TNNI3K: variants seen among roughly 807,000 people sequenced by gnomAD.
The protein encoded by TNNI3K is TNNI3 interacting kinase.
In TNNI3K, 140 loss-of-function variants were observed where a neutral mutation model predicts 114.5. That is an observed-to-expected ratio of 1.22 (90% CI 1.07 to 1.41). TNNI3K has a LOEUF of 1.41. Among genes scored for constraint, TNNI3K ranks in the 40% most tolerant of loss-of-function variants. The pLI is 0.00. For synonymous variants in TNNI3K, 347 were observed against 347.5 expected (o/e 1.00, Z 0.02); for missense variants, 1,125 against 1,007.6 (o/e 1.12, Z -1.58).
intron 23 of TNNI3K, among the ~76,000 whole-genome samples, chr1:74,531,565 T>A (rs1646584068): frequency 6.6e-6 from 1 of 152,208 alleles, no homozygotes; most frequent in African/African-American, 2.4e-5. Flanking sequence ...TGTTTTCAGC[T>A]AAATGCCAAA....
At chr1:74,329,349 T>C (rs1660078899) in intron 5 of TNNI3K, among the ~76,000 whole-genome samples, 1 of 152,100 alleles carries the variant, frequency 6.6e-6, no homozygotes, top group Admixed American at 6.5e-5. Context: ...GTTTTAATTT[T>C]TGTATTATAA....
At chr1:74,236,070 A>C in intron 1 of TNNI3K, 32 bp from the exon 2 acceptor site, 1 of 1,582,444 alleles carries the variant, frequency 6.3e-7, no homozygotes, top group Admixed American at 1.8e-5. Context: ...AAACACAACT[A>C]TGAATCAATC....
chr1:74,537,593 T>A (rs6670079), intron 23 of TNNI3K, among the ~76,000 whole-genome samples: 4,921 of 152,292 alleles, frequency 0.032, 262 homozygotes, highest in African/African-American at 0.11. Flanking sequence ...CATACTTTTA[T>A]TTTAAGTATT....
chr1:74,258,715 A>G (rs1655482203), intron 4 of TNNI3K, among the ~76,000 whole-genome samples: 1 of 152,134 alleles, frequency 6.6e-6, no homozygotes, highest in African/African-American at 2.4e-5. Flanking sequence ...GAGACTCAAG[A>G]TCCCTTAATT....
chr1:74,442,906 A>G (rs978630503), intron 20 of TNNI3K, among the ~76,000 whole-genome samples: 2 of 151,224 alleles, frequency 1.3e-5, no homozygotes, highest in Non-Finnish European at 2.9e-5. Context: ...CTGCTTCTGA[A>G]TGAATCCTGA....
At chr1:74,528,892 C>A (rs1328635213) in intron 23 of TNNI3K, among the ~76,000 whole-genome samples, 1 of 152,028 alleles carries the variant, frequency 6.6e-6, no homozygotes, top group Non-Finnish European at 1.5e-5. Context: ...AAGGCTGACA[C>A]AAGGAAGGTA....
chr1:74,375,219 C>T (rs1251029238), intron 17 of TNNI3K: 1 of 156,614 alleles, frequency 6.4e-6, no homozygotes, highest in African/African-American at 2.4e-5. Flanking sequence ...ACAATTAAAA[C>T]CACCTTTGCA....
intron 21 of TNNI3K, among the ~76,000 whole-genome samples, chr1:74,479,167 C>A (rs1430790598): frequency 1.3e-5 from 2 of 152,138 alleles, no homozygotes; most frequent in South Asian, 4.1e-4. Context: ...TCTCTCCCCA[C>A]CCCCTCATCA....
chr1:74,314,746 G>T lies in TNNI3K; in HGVS notation c.445-16704G>T, dbSNP rs1659211229. On this transcript the variant is annotated intron_variant, in intron 5 of 24. Transcript: ENST00000326637. ...ATGCTGATAGTGAAAAAATATATAT[G>T]TAATTGTCTTTGTTTCCTCTAATTT... Among the ~76,000 whole-genome samples the T allele has an allele frequency of 1.3e-5, 2 of 152,094 alleles. 1 individual carries two copies. Among genetic ancestry groups the T allele is most frequent in the South Asian group, 4.1e-4 (2 of 4,826 alleles).
chr1:74,276,620 G>A (rs899574487), intron 5 of TNNI3K, among the ~76,000 whole-genome samples: 3 of 151,980 alleles, frequency 2.0e-5, no homozygotes, highest in Non-Finnish European at 4.4e-5. Context: ...AAATAGCAAC[G>A]GATCAGTGGG....
intron 23 of TNNI3K, among the ~76,000 whole-genome samples, chr1:74,497,783 A>C (rs1436175371): frequency 6.6e-6 from 1 of 152,176 alleles, no homozygotes; most frequent in Non-Finnish European, 1.5e-5. Context: ...AATTCTAATT[A>C]TATTATTTGC....
At chr1:74,465,002 A>G (rs1023113024) in intron 21 of TNNI3K, 1 of 1,167,646 alleles carries the variant, frequency 8.6e-7, no homozygotes, top group Non-Finnish European at 1.1e-6. Context: ...TACATCACAT[A>G]AAATAGTTTA....
intron 5 of TNNI3K, among the ~76,000 whole-genome samples, chr1:74,297,846 T>C (rs1044396282): frequency 2.0e-5 from 3 of 152,284 alleles, no homozygotes; most frequent in African/African-American, 4.8e-5. Context: ...TTGTACTCTA[T>C]GGTTAAAACA....
intron 6 of TNNI3K, among the ~76,000 whole-genome samples, chr1:74,332,976 A>AAAAAAAAAAAAAAAGAG (rs57556485): frequency 5.5e-5 from 5 of 90,702 alleles, no homozygotes; most frequent in Admixed American, 1.4e-4. Flanking sequence ...AAAAAAAAAA[A>AAAAAAAAAAAAAAAGAG]AGAGAGAGAC....
chr1:74,537,849 C>T (rs776075908), intron 23 of TNNI3K, among the ~76,000 whole-genome samples: 1 of 152,110 alleles, frequency 6.6e-6, no homozygotes, highest in South Asian at 2.1e-4. Context: ...TGAGTTGGAC[C>T]TTTATTGAGT....
rs547027678 is a variant in TNNI3K at position 74,353,404 on chromosome 1, A to G, written c.1027+44A>G. ...CACCACTAGTTCTATATGCTTATCA[A>G]TGATTAAGAATAATGGTATGCAAAG... On this transcript the variant is annotated intron_variant, in intron 10 of 24. Transcript: ENST00000326637. 1.2e-5 allele frequency: 19 copies of G among 1,602,788 alleles called. No individual in the cohort carries two copies. In the East Asian group the frequency reaches 2.2e-4, roughly 19 times the overall value.
intron 17 of TNNI3K, among the ~76,000 whole-genome samples, chr1:74,386,167 G>A (rs533628419): frequency 6.6e-6 from 1 of 152,316 alleles, no homozygotes; most frequent in Non-Finnish European, 1.5e-5. Flanking sequence ...CTCCAGCCAT[G>A]TGGAACCGTG....
intron 21 of TNNI3K, among the ~76,000 whole-genome samples, chr1:74,467,482 G>T (rs540656913): frequency 7.9e-5 from 12 of 151,710 alleles, no homozygotes; most frequent in Admixed American, 2.0e-4. Context: ...GAGAAGGTTG[G>T]AAAACAGTAA....
chr1:74,399,543 C>G (rs74093532), intron 17 of TNNI3K, among the ~76,000 whole-genome samples: 5,325 of 151,906 alleles, frequency 0.035, 224 homozygotes, highest in African/African-American at 0.1. Context: ...CTCCTGATCA[C>G]TGAGACAGCC....
Sources: gnomAD v4.1 joint callset for allele counts (sites outside exome capture counted in the v4.1 genomes callset) on GRCh38, gnomAD v4.1.1 for gene constraint, MANE v1.5 for transcripts, NCBI Gene and HGNC (gene_info 2026-07-23, HGNC 2026-07-21) for gene names.